The following ISL2 variants were observed in gnomAD, a reference collection of about 807,000 sequenced individuals.
The protein encoded by ISL2 is ISL LIM homeobox 2, also known as insulin gene enhancer protein ISL-2.
In ISL2, 17 loss-of-function variants were observed where a neutral mutation model predicts 34.6. The ratio of observed to expected loss-of-function variants is 0.49; its 90% CI spans 0.34 to 0.74. The LOEUF (loss-of-function observed/expected upper bound fraction) is 0.74. ISL2 is among the 30% of genes least tolerant of loss of function. The pLI, the probability that ISL2 is intolerant of heterozygous loss-of-function variation, is 0.01. For missense variants in ISL2, 469 were observed against 515.2 expected (o/e 0.91, Z 0.87); for synonymous variants, 232 against 225.5 (o/e 1.03, Z -0.26).
At position 76,341,310 on chromosome 15, in the gene ISL2, C is replaced by G. The variant is rs1422195332; in HGVS notation, c.963+9C>G. ...CCGCCTTCCAACAGCTGGTGAGGCCCTGCCCTACCCGCCCCGACCTCGGGA... is the reference window on the plus strand; with the variant it reads ...CCGCCTTCCAACAGCTGGTGAGGCCGTGCCCTACCCGCCCCGACCTCGGGA... On this transcript the variant is annotated intron_variant, in intron 5 of 5. Transcript: ENST00000290759. 3 of 1,579,916 alleles carry G rather than the reference C, an allele frequency of 1.9e-6. No individual in the cohort carries two copies. The highest frequency in any genetic ancestry group is 4.6e-5 in the East Asian group (2 of 43,856).
At chr15:76,337,120 GTT>G (rs901523749) in intron 1 of ISL2, among the ~76,000 whole-genome samples, 179 bp downstream of exon 1, 10 of 151,896 alleles carry the variant, frequency 6.6e-5, no homozygotes, top group African/African-American at 2.4e-4. Context: ...GAATCCTGTT[GTT>G]TTATTTTATA....
At chr15:76,339,825 A>T in intron 3 of ISL2, 1 of 1,000,970 alleles carries the variant, frequency 1.0e-6, no homozygotes, top group South Asian at 4.4e-5. Context: ...CGCACCTCCC[A>T]CCCAGTCCCC....
chr15:76,340,609 C>T lies in ISL2; in HGVS notation c.795+50C>T, dbSNP rs1320757170. The T allele has an allele frequency of 5.1e-6, 8 of 1,554,840 alleles. No individual in the cohort carries two copies. In the East Asian group the frequency reaches 9.0e-5, roughly 17 times the overall value. ...TCGAGTCGGGTGGGGGCTGCGCTTC[C>T]GCCGCGGTATCTGCGTGCCCTTTTC... On this transcript the variant is annotated intron_variant, in intron 4 of 5. Coordinates refer to ENST00000290759, the MANE Select transcript of ISL2 (RefSeq NM_145805.3).
intron 3 of ISL2, chr15:76,339,720 C>A (rs1433450686): frequency 1.0e-6 from 1 of 986,288 alleles, no homozygotes; most frequent in African/African-American, 1.7e-5. Context: ...GGAGGCCCGT[C>A]CATAACCGTG....
At chr15:76,337,149 C>A (rs2040156572) in intron 1 of ISL2, among the ~76,000 whole-genome samples, 1 of 151,450 alleles carries the variant, frequency 6.6e-6, no homozygotes, top group African/African-American at 2.4e-5. Context: ...CACTATTTCT[C>A]AAGCCGGCTA....
At position 76,341,159 on chromosome 15, in the gene ISL2, C is replaced by T. The variant is rs767900242; in HGVS notation, c.821C>T (p.Pro274Leu). The T allele has an allele frequency of 1.2e-6, 2 of 1,610,860 alleles. No individual in the cohort carries two copies. The highest frequency in any genetic ancestry group is 1.1e-5 in the South Asian group (1 of 90,958). ...KTSLQGLTGTPLVAGSPIRHE... is the reference protein window; with the variant it reads ...KTSLQGLTGTLLVAGSPIRHE... ...AGCCTTCAGGGACTGACTGGGACGC[C>T]CCTGGTGGCGGGCAGTCCCATCCGC... Residue 274 changes from proline to leucine, a missense_variant, in exon 5 of 6, where the codon CCC becomes CTC. This residue lies in a region of ISL2 where 169 missense variants were observed against 154.2 expected (regional missense o/e 1.10). Transcript: ENST00000290759.
At position 76,342,036 on chromosome 15, in the gene ISL2, C is replaced by T; in HGVS notation, c.*201C>T. ...GCTTTCACCAGACTGCAGACCCCTGCTCCGAGGACTCTTAGTTTTTCAAAA... is the reference window on the plus strand; with the variant it reads ...GCTTTCACCAGACTGCAGACCCCTGTTCCGAGGACTCTTAGTTTTTCAAAA... On this transcript the variant is annotated 3_prime_UTR_variant, in exon 6 of 6. Coordinates refer to ENST00000290759, the MANE Select transcript of ISL2 (RefSeq NM_145805.3). 1.9e-6 allele frequency: 1 copy of T among 538,602 alleles called. No individual in the cohort carries two copies. Among genetic ancestry groups the T allele is most frequent in the East Asian group, 3.0e-5 (1 of 32,940 alleles). The allele number at this position is 538,602 out of a possible 1,614,324, so 33.4% of individuals were successfully genotyped here. A position where few individuals can be genotyped will look rare whatever the true frequency, so the allele number is the denominator to read the frequency against.
At chr15:76,339,450 G>A (rs1430870941) in intron 3 of ISL2, 13 of 985,450 alleles carry the variant, frequency 1.3e-5, no homozygotes, top group Non-Finnish European at 1.6e-5. Flanking sequence ...TGAAATGGGA[G>A]CAAGCGGGTA....
Position 76,338,302 on chromosome 15 carries a change from A to T in ISL2, c.299A>T (p.Asp100Val). The change falls in exon 3 of 6, where the codon GAC becomes GTC. Residue 100 changes from aspartate to valine, a missense_variant. Around this residue, in one of 3 missense-constraint regions of ISL2, gnomAD observed 297 missense variants for 337.8 expected, o/e 0.88. Transcript: ENST00000290759. ...TGCCAGGTGGGCTTCAGCAGCAGCG[A>T]CCTGGTGATGAGGGCGCGGGACAGC... ...AKCQVGFSSS[D>V]LVMRARDSVY... 1 of 1,585,520 alleles carries T rather than the reference A, an allele frequency of 6.3e-7. No individual in the cohort carries two copies. Among genetic ancestry groups the T allele is most frequent in the South Asian group, 1.1e-5 (1 of 88,688 alleles).
rs376002196 is a variant in ISL2 at position 76,341,288 on chromosome 15, C to T, written c.950C>T (p.Ala317Val). The part of the protein sequence containing the change: ...FALQSDLDQP[A>V]FQQLVSFSES... ...CTCCAGAGCGACCTGGACCAACCCG[C>T]CTTCCAACAGCTGGTGAGGCCCTGC... Residue 317 changes from alanine (A) to valine (V), a missense_variant, in exon 5 of 6, where the codon GCC becomes GTC. Around this residue, in one of 3 missense-constraint regions of ISL2, gnomAD observed 169 missense variants for 154.2 expected, o/e 1.10. Transcript: ENST00000290759. 1.4e-4 allele frequency: 226 copies of T among 1,601,964 alleles called. No individual in the cohort carries two copies. The highest frequency in any genetic ancestry group is 1.9e-4 in the Non-Finnish European group (218 of 1,174,294).
At chr15:76,338,619 T>A in intron 3 of ISL2, 105 bp downstream of exon 3, 1 of 1,240,014 alleles carries the variant, frequency 8.1e-7, no homozygotes, top group African/African-American at 1.6e-5. Context: ...TGTGTGTGGT[T>A]CCGTCTGCCG....
chr15:76,338,525 C>T lies in ISL2; in HGVS notation c.511+11C>T. On this transcript the variant is annotated intron_variant, in intron 3 of 5. Coordinates refer to ENST00000290759, the MANE Select transcript of ISL2 (RefSeq NM_145805.3). ...GCCTGCATCTGCCCGGTAAGCGCGC[C>T]GGGGCCTGTGCCGGGGTGAGCGGGG... The T allele has an allele frequency of 3.1e-6, 4 of 1,300,454 alleles. No individual in the cohort carries two copies. Among genetic ancestry groups the T allele is most frequent in the African/African-American group, 3.1e-5 (2 of 65,328 alleles). 80.6% of individuals were successfully genotyped at this position (1,300,454 alleles called of 1,614,324 possible). A position where few individuals can be genotyped will look rare whatever the true frequency, so the allele number is the denominator to read the frequency against.
Position 76,340,265 on chromosome 15 carries a change from T to A in ISL2, c.512-11T>A, listed in dbSNP as rs768928561. ...CCCTCGCTAACCTCTGGCCTCACCC[T>A]GTCCTGGCAGACGCTGGGTCGGGCC... On this transcript the variant is annotated splice_polypyrimidine_tract_variant and intron_variant, in intron 3 of 5. Transcript: ENST00000290759. 15 of 1,588,330 alleles carry A rather than the reference T, an allele frequency of 9.4e-6. No individual in the cohort carries two copies. Among genetic ancestry groups the A allele is most frequent in the Non-Finnish European group, 1.2e-5 (14 of 1,169,922 alleles).
Position 76,341,186 on chromosome 15 carries a change from A to G in ISL2, c.848A>G (p.His283Arg). The G allele has an allele frequency of 3.1e-6, 5 of 1,612,942 alleles. No individual in the cohort carries two copies. Among genetic ancestry groups the G allele is most frequent in the South Asian group, 1.1e-5 (1 of 91,070 alleles). The change falls in exon 5 of 6, where the codon CAT becomes CGT. Residue 283 changes from histidine (H) to arginine (R), a missense_variant. Physicochemically the swap from His to Arg is conservative, Grantham distance 29. Transcript: ENST00000290759. ...TPLVAGSPIRHENAVQGSAVE... is the reference protein window; with the variant it reads ...TPLVAGSPIRRENAVQGSAVE... Reference sequence around the variant, plus strand: ...CTGGTGGCGGGCAGTCCCATCCGCCATGAGAACGCCGTGCAGGGCAGCGCA... The same window carrying G: ...CTGGTGGCGGGCAGTCCCATCCGCCGTGAGAACGCCGTGCAGGGCAGCGCA...
chr15:76,340,673 C>G, intron 4 of ISL2, 114 bp downstream of exon 4: 1 of 943,716 alleles, frequency 1.1e-6, no homozygotes, highest in South Asian at 1.6e-5. Flanking sequence ...ACTGGGCGCT[C>G]CAGATGGTGT....
In ISL2 at chr15:76,337,987, G is replaced by C. The variant is rs778187401; in HGVS notation, c.248+20G>C. The C allele has an allele frequency of 1.3e-6, 2 of 1,539,486 alleles. No individual in the cohort carries two copies. The highest frequency in any genetic ancestry group is 1.8e-6 in the Non-Finnish European group (2 of 1,139,620). ...TGTCAGGTGAGGCCGGCGGGAACGC[G>C]GGCTGGGCCACCGCGCGCAGGGGCC... On this transcript the variant is annotated intron_variant, in intron 2 of 5. Coordinates refer to ENST00000290759, the MANE Select transcript of ISL2 (RefSeq NM_145805.3).
In ISL2 at chr15:76,337,896, C is replaced by A. The variant is rs745469451; in HGVS notation, c.177C>A (p.Ser59Arg). The change falls in exon 2 of 6, where the codon AGC becomes AGA. Residue 59 changes from serine (S) to arginine (R), a missense_variant. Transcript: ENST00000290759. ...CCTGCCTCAAGTGTGCCGAGTGCAG[C>A]CAGTACCTGGACGAGACGTGCACGT... ...HAACLKCAEC[S>R]QYLDETCTCF... 1 of 1,612,628 alleles carries A rather than the reference C, an allele frequency of 6.2e-7. No homozygotes were observed. Among genetic ancestry groups the A allele is most frequent in the Non-Finnish European group, 8.5e-7 (1 of 1,179,664 alleles).
rs7180257 is a variant in ISL2, at chr15:76,340,566, A to G, written c.795+7A>G. ...GCAGCACAGCGACAAGACGGTGAGC[A>G]GCCGCTGGGCCGGAGGCTCGAGTCG... On this transcript the variant is annotated splice_region_variant and intron_variant, in intron 4 of 5. Transcript: ENST00000290759. The G allele has an allele frequency of 0.89, 1,425,285 of 1,597,732 alleles. 637,314 individuals carry two copies. The highest frequency in any genetic ancestry group is 0.95 in the Admixed American group (56,163 of 59,254).
chr15:76,337,158 T>C (rs1020034404), intron 1 of ISL2, among the ~76,000 whole-genome samples: 10 of 151,860 alleles, frequency 6.6e-5, no homozygotes, highest in African/African-American at 9.7e-5. Flanking sequence ...TCAAGCCGGC[T>C]AGGATGACTT....
Sources: gnomAD v4.1 joint callset for allele counts (sites outside exome capture counted in the v4.1 genomes callset) on GRCh38, gnomAD v4.1.1 for gene constraint, gnomAD v4.1.1 regional missense constraint, MANE v1.5 for transcripts, NCBI Gene and HGNC (gene_info 2026-07-23, HGNC 2026-07-21) for gene names.